MEX3C: variants seen among roughly 807,000 people sequenced by gnomAD.
MEX3C encodes the protein RNA-binding E3 ubiquitin-protein ligase MEX3C.
Under a neutral mutation model 35.5 loss-of-function variants are expected in MEX3C, and 15 were observed. That is an observed-to-expected ratio of 0.42 (90% CI 0.28 to 0.65). The LOEUF (loss-of-function observed/expected upper bound fraction) is 0.65, where lower values mean the gene tolerates loss of function less well. Ranked by LOEUF, MEX3C falls within the 30% of genes least tolerant of loss-of-function variation. The pLI is 0.20. For synonymous variants in MEX3C, 390 were observed against 352.8 expected (o/e 1.11, Z -1.18); for missense variants, 711 against 842.8 (o/e 0.84, Z 1.94).
chr18:51,182,383 C>T (rs926648043), intron 1 of MEX3C, among the ~76,000 whole-genome samples: 2 of 152,140 alleles, frequency 1.3e-5, no homozygotes, highest in Admixed American at 6.6e-5. Flanking sequence ...GTGAGGACTA[C>T]ACTTCTTATA....
chr18:51,176,713 A>G lies in MEX3C; in HGVS notation c.1618T>C (p.Ser540Pro), dbSNP rs1281761532. 1.2e-6 allele frequency: 2 copies of G among 1,613,902 alleles called. No individual in the cohort carries two copies. ...AATGTAGGAGACAGACGAGGAGTAGATGGCTGACTTCCTCTGCGCTGAGTC... is the reference window on the plus strand; with the variant it reads ...AATGTAGGAGACAGACGAGGAGTAGGTGGCTGACTTCCTCTGCGCTGAGTC... ...MKTQRRGSQP[S>P]TPRLSPTFPE... Residue 540 changes from serine to proline, a missense_variant, in exon 2 of 2, where the codon TCT becomes CCT. Transcript: ENST00000406189.
chr18:51,196,444 C>G, intron 1 of MEX3C, 123 bp downstream of exon 1: 1 of 1,460,978 alleles, frequency 6.8e-7, no homozygotes. Flanking sequence ...TCCTCCCAGA[C>G]CCCTTCGCGG....
In MEX3C at chr18:51,177,117, T is replaced by C. The variant is rs746244012; in HGVS notation, c.1214A>G (p.Asn405Ser). The change falls in exon 2 of 2, where the codon AAT becomes AGT. Residue 405 changes from asparagine to serine, a missense_variant. Asn to Ser is a conservative substitution (Grantham distance 46). This residue lies in a region of MEX3C where 187 missense variants were observed against 201.7 expected (regional missense o/e 0.93). Transcript: ENST00000406189. This position sits in a 1 kb window ranked among gnomAD's most constrained non-coding sequence, Gnocchi z 4.2. ...TGNYIELNEE[N>S]DFHYNGTDVS... is the part of the protein sequence containing the mutation. Reference sequence around the variant, plus strand: ...ATCGGTACCATTGTAATGGAAATCATTCTCTTCATTGAGCTCTATATAGTT... The same window carrying C: ...ATCGGTACCATTGTAATGGAAATCACTCTCTTCATTGAGCTCTATATAGTT... The C allele has an allele frequency of 6.2e-7, 1 of 1,613,940 alleles. No individual in the cohort carries two copies. Among genetic ancestry groups the C allele is most frequent in the East Asian group, 2.2e-5 (1 of 44,882 alleles).
chr18:51,185,431 A>G (rs938125977), intron 1 of MEX3C, among the ~76,000 whole-genome samples: 1 of 152,134 alleles, frequency 6.6e-6, no homozygotes, highest in Non-Finnish European at 1.5e-5. Flanking sequence ...TACCCAGATG[A>G]TCATCCAGAT....
rs1912315443 is a variant in MEX3C at position 51,176,801 on chromosome 18, C to A, written c.1530G>T (p.Trp510Cys). 6.2e-7 allele frequency: 1 copy of A among 1,613,776 alleles called. No individual in the cohort carries two copies. The highest frequency in any genetic ancestry group is 8.5e-7 in the Non-Finnish European group (1 of 1,179,876). Reference sequence around the variant, plus strand: ...GTGGGTTAACTGGTTCAAATGGAGTCCAGATAGTTTGAGCAGATGTTGGTA... The same window carrying A: ...GTGGGTTAACTGGTTCAAATGGAGTACAGATAGTTTGAGCAGATGTTGGTA... Reference protein sequence around the residue: ...DSLPTSAQTIWTPFEPVNPLS... With the variant: ...DSLPTSAQTICTPFEPVNPLS... The change falls in exon 2 of 2, where the codon TGG (tryptophan) becomes TGT (cysteine). Residue 510 changes from tryptophan to cysteine, a missense_variant. By Grantham distance (215) the Trp-to-Cys change is radical (BLOSUM62 -2). Transcript: ENST00000406189.
rs1222277340 is a variant in MEX3C, at chr18:51,176,644, C to T, written c.1687G>A (p.Asp563Asn). 1.2e-5 allele frequency: 19 copies of T among 1,613,818 alleles called. No individual in the cohort carries two copies. The highest frequency in any genetic ancestry group is 6.7e-5 in the East Asian group (3 of 44,878). The change falls in exon 2 of 2, where the codon GAC becomes AAC. Residue 563 changes from aspartate (D) to asparagine (N), a missense_variant. Physicochemically the swap from Asp to Asn is conservative, Grantham distance 23. This residue lies in a region of MEX3C where 87 missense variants were observed against 150.4 expected (regional missense o/e 0.58). Transcript: ENST00000406189. ...ACATGGTTGCCTGTACTAGGTGGGT[C>T]GCTCCTAACCCTCCGAGCAAGTGGA... ...EHPLARRVRSDPPSTGNHVGL... is the reference protein window; with the variant it reads ...EHPLARRVRSNPPSTGNHVGL...
At chr18:51,194,117 T>C (rs2144559892) in intron 1 of MEX3C, 1 of 152,338 alleles carries the variant, frequency 6.6e-6, no homozygotes, top group East Asian at 1.9e-4. Flanking sequence ...GGAAATATAA[T>C]ACTGTAAAAG....
rs927736753 is a variant in MEX3C, at chr18:51,177,974, C to T, written c.755-398G>A. Among the ~76,000 whole-genome samples the T allele has an allele frequency of 6.6e-6, 1 of 152,144 alleles. No homozygotes were observed. Among genetic ancestry groups the T allele is most frequent in the African/African-American group, 2.4e-5 (1 of 41,430 alleles). ...CTGCTATGATTCAGTTTTGTTTATT[C>T]CCATGTTGTTTGTGGTAGGTGTACT... On this transcript the variant is annotated intron_variant, in intron 1 of 1. Coordinates refer to ENST00000406189, the MANE Select transcript of MEX3C (RefSeq NM_016626.5). The surrounding 1 kb of genome is among the most constrained non-coding windows in gnomAD (Gnocchi z 4.2).
intron 1 of MEX3C, among the ~76,000 whole-genome samples, chr18:51,183,953 A>T (rs747271712): frequency 3.9e-5 from 6 of 152,176 alleles, no homozygotes; most frequent in Admixed American, 2.0e-4. Flanking sequence ...GTGGGTTATG[A>T]TCACACCAAT....
intron 1 of MEX3C, among the ~76,000 whole-genome samples, chr18:51,180,517 G>A (rs764519944): frequency 5.9e-5 from 9 of 152,040 alleles, no homozygotes; most frequent in East Asian, 1.9e-4. Flanking sequence ...AGTCTCTGTC[G>A]CCCAGGTTGG....
Position 51,197,085 on chromosome 18 carries a change from C to G in MEX3C, c.236G>C (p.Gly79Ala). ...ALRAPAAAAQ[G>A]QARRAAELSP... The stretch of plus-strand genomic sequence containing the variant: ...CAGCTCCGCCGCCCGCCGGGCCTGG[C>G]CCTGCGCCGCCGCTGCCGGGGCCCG... Residue 79 changes from glycine to alanine, a missense_variant, in exon 1 of 2, where the codon GGC becomes GCC. Transcript: ENST00000406189. 5.7e-6 allele frequency: 7 copies of G among 1,220,072 alleles called. No homozygotes were observed. Among genetic ancestry groups the G allele is most frequent in the Non-Finnish European group, 7.1e-6 (7 of 982,740 alleles). 75.6% of individuals were successfully genotyped at this position (1,220,072 alleles called of 1,614,324 possible).
chr18:51,183,795 T>G (rs1029107076), intron 1 of MEX3C, among the ~76,000 whole-genome samples: 1 of 152,090 alleles, frequency 6.6e-6, no homozygotes. Flanking sequence ...CTGAGCAACA[T>G]AGCAGGACGC....
chr18:51,192,529 G>T (rs1322878632), intron 1 of MEX3C, among the ~76,000 whole-genome samples: 1 of 152,144 alleles, frequency 6.6e-6, no homozygotes, highest in Non-Finnish European at 1.5e-5. Flanking sequence ...ACTGTGCCTT[G>T]TGGGTAGTAC....
At chr18:51,188,467 A>G (rs957161890) in intron 1 of MEX3C, among the ~76,000 whole-genome samples, 58 of 152,030 alleles carry the variant, frequency 3.8e-4, no homozygotes, top group African/African-American at 1.4e-3. Context: ...ACAAAAAACT[A>G]GCCAGGCGTG....
intron 1 of MEX3C, among the ~76,000 whole-genome samples, chr18:51,187,010 G>A (rs1912555593): frequency 6.6e-6 from 1 of 152,044 alleles, no homozygotes; most frequent in East Asian, 1.9e-4. Flanking sequence ...AAGAGAGAGG[G>A]GAGTTAAACA....
Position 51,197,256 on chromosome 18 carries a change from G to GGCGGCT in MEX3C, c.59_64dup (p.Gln20_Pro21dup), listed in dbSNP as rs1190703259. ...CGGCGGTGGCGGCGGCGGCGGCGGG[G>GGCGGCT]GCGGCTGCGGCAGGGGGGCCGGGGC... is the stretch of plus-strand genomic sequence containing the variant. On this transcript the variant is annotated inframe_insertion, in exon 1 of 2. Transcript: ENST00000406189. 6.3e-6 allele frequency: 6 copies of GGCGGCT among 951,592 alleles called. No homozygotes were observed. In the Admixed American group the frequency reaches 2.5e-4, roughly 40 times the overall value. 58.9% of individuals were successfully genotyped at this position (951,592 alleles called of 1,614,324 possible).
rs772479306 is a variant in MEX3C, at chr18:51,196,640, T to G, written c.681A>C (p.Arg227Ser). ...CGCACTCGGTGGTGTTGACGCTCTT[T>G]CTCCGGAGCAGGGCCGCCTGCTCCC... Reference protein sequence around the residue: ...LNGEQAALLRRKSVNTTECVP... With the variant: ...LNGEQAALLRSKSVNTTECVP... The change falls in exon 1 of 2, where the codon AGA becomes AGC. Residue 227 changes from arginine to serine, a missense_variant. By Grantham distance (110) the Arg-to-Ser change is moderately radical (BLOSUM62 -1). Around this residue, in one of 4 missense-constraint regions of MEX3C, gnomAD observed 354 missense variants for 311.6 expected, o/e 1.14. Coordinates refer to ENST00000406189, the MANE Select transcript of MEX3C (RefSeq NM_016626.5). 3.2e-6 allele frequency: 5 copies of G among 1,582,534 alleles called. No individual in the cohort carries two copies. The highest frequency in any genetic ancestry group is 8.5e-7 in the Non-Finnish European group (1 of 1,170,394).
In MEX3C at chr18:51,177,019, T is replaced by C. The variant is rs1269568721; in HGVS notation, c.1312A>G (p.Met438Val). Residue 438 changes from methionine (M) to valine (V), a missense_variant, in exon 2 of 2, where the codon ATG (methionine) becomes GTG (valine). Around this residue, in one of 4 missense-constraint regions of MEX3C, gnomAD observed 187 missense variants for 201.7 expected, o/e 0.93. Coordinates refer to ENST00000406189, the MANE Select transcript of MEX3C (RefSeq NM_016626.5). The surrounding 1 kb of genome is among the most constrained non-coding windows in gnomAD (Gnocchi z 4.2). ...CTATCATTTCGATAATTGGATATCA[T>C]TCTTGCGCGGCTAGGAGGAACAGGA... The part of the protein sequence containing the change: ...SNPVPPSRAR[M>V]ISNYRNDSSS... 8.1e-6 allele frequency: 13 copies of C among 1,614,006 alleles called. No homozygotes were observed. Among genetic ancestry groups the C allele is most frequent in the Non-Finnish European group, 1.1e-5 (13 of 1,179,892 alleles).
chr18:51,177,419 A>G lies in MEX3C; in HGVS notation c.912T>C (p.Arg304=). 6.2e-7 allele frequency: 1 copy of G among 1,613,974 alleles called. No homozygotes were observed. Among genetic ancestry groups the G allele is most frequent in the South Asian group, 1.1e-5 (1 of 91,082 alleles). The change falls in exon 2 of 2, where the codon CGT becomes CGC. Residue 304 remains arginine (R), a synonymous_variant. Transcript: ENST00000406189. The surrounding 1 kb of genome is among the most constrained non-coding windows in gnomAD (Gnocchi z 4.2). ...CAGGCCCATTTTTGTTTCGAGATGC[A>G]CGAATCATGGAGAAGTGCTCTGCAG... The part of the protein sequence containing the change: ...LSAAEHFSMI[R]ASRNKNGPAL...
Sources: gnomAD v4.1 joint callset for allele counts (sites outside exome capture counted in the v4.1 genomes callset) on GRCh38, gnomAD v4.1.1 for gene constraint, gnomAD v4.1.1 regional missense constraint, Gnocchi (gnomAD v3.1) non-coding constraint, MANE v1.5 for transcripts, NCBI Gene and HGNC (gene_info 2026-07-23, HGNC 2026-07-21) for gene names.